The following PDE4B variants were observed in gnomAD, a reference collection of about 807,000 sequenced individuals.
PDE4B encodes the protein 3',5'-cyclic-AMP phosphodiesterase 4B.
In PDE4B, 20 loss-of-function variants were observed where a neutral mutation model predicts 82.2. The observed-to-expected ratio is 0.24, with a 90% CI of 0.17 to 0.35. The LOEUF is 0.35. PDE4B is among the 10% of genes least tolerant of loss of function. The pLI, the probability that PDE4B is intolerant of heterozygous loss-of-function variation, is 1.00. For synonymous variants in PDE4B, 320 were observed against 318.9 expected (o/e 1.00, Z -0.04); for missense variants, 655 against 907.2 (o/e 0.72, Z 3.57).
intron 8 of PDE4B, among the ~76,000 whole-genome samples, chr1:66,337,113 G>A (rs756896101): frequency 4.6e-5 from 7 of 152,236 alleles, no homozygotes; most frequent in Non-Finnish European, 7.3e-5. Context: ...GTAAGAGAGA[G>A]GGTAGACAGG....
intron 3 of PDE4B, among the ~76,000 whole-genome samples, chr1:66,189,517 A>C (rs532197441): frequency 1.1e-4 from 17 of 152,228 alleles, no homozygotes; most frequent in African/African-American, 4.1e-4. Context: ...TATTTCTTGG[A>C]GGCTTTGTTT....
chr1:65,816,848 AT>A (rs1645890937), intron 1 of PDE4B, among the ~76,000 whole-genome samples: 1 of 152,230 alleles, frequency 6.6e-6, no homozygotes, highest in South Asian at 2.1e-4. Context: ...TGTAAAAAGC[AT>A]TTTTATAAAA....
At chr1:66,261,073 G>T (rs1219882703) in intron 6 of PDE4B, among the ~76,000 whole-genome samples, 1 of 152,166 alleles carries the variant, frequency 6.6e-6, no homozygotes, top group African/African-American at 2.4e-5. Context: ...TACCACTAGA[G>T]CTTCACCAAA....
At chr1:65,918,366 G>C (rs146081439) in intron 2 of PDE4B, among the ~76,000 whole-genome samples, 1 of 152,212 alleles carries the variant, frequency 6.6e-6, no homozygotes, top group East Asian at 1.9e-4. Context: ...TTATCTATAT[G>C]CCTAAAAATC....
At chr1:66,281,915 C>T (rs551875190) in intron 7 of PDE4B, among the ~76,000 whole-genome samples, 2 of 152,124 alleles carry the variant, frequency 1.3e-5, no homozygotes, top group African/African-American at 2.4e-5. Flanking sequence ...GACCTAGGAT[C>T]GGAACCATAA....
At chr1:66,249,604 A>G (rs959437086) in intron 4 of PDE4B, among the ~76,000 whole-genome samples, 2 of 152,186 alleles carry the variant, frequency 1.3e-5, no homozygotes. Context: ...CACCGCATCC[A>G]GCATCCCTGT....
intron 7 of PDE4B, among the ~76,000 whole-genome samples, chr1:66,293,867 T>C (rs1417519041): frequency 1.3e-5 from 2 of 152,170 alleles, no homozygotes; most frequent in African/African-American, 4.8e-5. Flanking sequence ...ATAAAACTGG[T>C]TGAGAACTCC....
intron 3 of PDE4B, among the ~76,000 whole-genome samples, chr1:66,223,796 A>T (rs531436484): frequency 1.8e-4 from 27 of 152,186 alleles, no homozygotes; most frequent in African/African-American, 5.8e-4. Context: ...TTTGAAGTGC[A>T]TGCCATCAGA....
At chr1:66,216,202 GTATA>G (rs1231963758) in intron 3 of PDE4B, among the ~76,000 whole-genome samples, 1 of 149,460 alleles carries the variant, frequency 6.7e-6, no homozygotes, top group Non-Finnish European at 1.5e-5. Context: ...ACATAATTAT[GTATA>G]TAATATAATA....
chr1:66,361,531 A>G (rs1328341181), intron 9 of PDE4B, 84 bp from the exon 10 acceptor site: 1 of 1,028,284 alleles, frequency 9.7e-7, no homozygotes, highest in Non-Finnish European at 1.4e-6. Flanking sequence ...TAAAGCTGTT[A>G]TAGATGGTTA....
At chr1:66,332,295 G>C in intron 7 of PDE4B, 2 of 1,532,436 alleles carry the variant, frequency 1.3e-6, no homozygotes, top group Admixed American at 4.0e-5. Context: ...CGGGGGGTTG[G>C]GGGGAAACTT....
chr1:66,297,887 T>G (rs887373707), intron 7 of PDE4B, among the ~76,000 whole-genome samples: 1 of 152,186 alleles, frequency 6.6e-6, no homozygotes, highest in Non-Finnish European at 1.5e-5. Flanking sequence ...TATTAGTCCA[T>G]TATTCATTCA....
At chr1:66,277,052 G>C (rs1168915216) in intron 7 of PDE4B, among the ~76,000 whole-genome samples, 1 of 152,028 alleles carries the variant, frequency 6.6e-6, no homozygotes, top group Non-Finnish European at 1.5e-5. Flanking sequence ...TTATCATTCT[G>C]GGGCCTAAAG....
At chr1:66,347,897 G>A (rs1234125953) in intron 8 of PDE4B, among the ~76,000 whole-genome samples, 1 of 152,158 alleles carries the variant, frequency 6.6e-6, no homozygotes, top group East Asian at 1.9e-4. Context: ...ACTTCTTAAA[G>A]AGAATCATGA....
At chr1:66,270,348 G>T (rs1239552673) in intron 7 of PDE4B, among the ~76,000 whole-genome samples, 4 of 152,280 alleles carry the variant, frequency 2.6e-5, no homozygotes, top group African/African-American at 9.6e-5. Context: ...CTCCATACAG[G>T]TTCTGCCCAT....
At chr1:65,821,617 C>G (rs778355706) in intron 1 of PDE4B, among the ~76,000 whole-genome samples, 1 of 152,210 alleles carries the variant, frequency 6.6e-6, no homozygotes, top group South Asian at 2.1e-4. Flanking sequence ...TAATCTACTT[C>G]TCTTTCTGAC....
intron 3 of PDE4B, among the ~76,000 whole-genome samples, chr1:65,972,220 A>G (rs1403420404): frequency 1.3e-5 from 2 of 152,222 alleles, no homozygotes; most frequent in Non-Finnish European, 2.9e-5. Flanking sequence ...TTGTGGTCAG[A>G]TAGCCAGTTG....
intron 3 of PDE4B, among the ~76,000 whole-genome samples, chr1:65,985,281 CT>C (rs1189929393): frequency 6.6e-6 from 1 of 151,958 alleles, no homozygotes; most frequent in African/African-American, 2.4e-5. Context: ...GCATATTGTT[CT>C]TTTTTTAAGA....
In PDE4B at chr1:65,913,318, A is replaced by T. The variant is rs781330175; in HGVS notation, c.4A>T (p.Lys2Ter). M[K>*]KSRSVMTVMA... is the part of the protein sequence containing the mutation. ...GGGGATATTTTCCACCTCTATAATGAAGAAAAGCAGGAGTGTGATGACGGT... is the reference window on the plus strand; with the variant it reads ...GGGGATATTTTCCACCTCTATAATGTAGAAAAGCAGGAGTGTGATGACGGT... The change falls in exon 2 of 17, where the codon AAG (lysine) becomes TAG (stop). Residue 2 changes from lysine to a stop codon, truncating the protein, a stop_gained. Transcript: ENST00000341517. LOFTEE classifies it high-confidence loss of function. 13 of 1,613,494 alleles carry T rather than the reference A, an allele frequency of 8.1e-6. No homozygotes were observed. The highest frequency in any genetic ancestry group is 1.1e-5 in the Non-Finnish European group (13 of 1,179,590).
Sources: gnomAD v4.1 joint callset for allele counts (sites outside exome capture counted in the v4.1 genomes callset) on GRCh38, gnomAD v4.1.1 for gene constraint, MANE v1.5 for transcripts, NCBI Gene and HGNC (gene_info 2026-07-23, HGNC 2026-07-21) for gene names.